SORCS1: variants seen among roughly 807,000 people sequenced by gnomAD.
SORCS1 encodes the protein VPS10 domain-containing receptor SorCS1.
Under a neutral mutation model 146.1 loss-of-function variants are expected in SORCS1, and 60 were observed. The ratio of observed to expected loss-of-function variants is 0.41; its 90% CI spans 0.33 to 0.51. The LOEUF is 0.51. Ranked by LOEUF, SORCS1 falls within the 20% of genes least tolerant of loss-of-function variation. SORCS1 has a pLI of 0.21. For missense variants in SORCS1, 1,352 were observed against 1,487.6 expected, an observed-to-expected ratio of 0.91 and a Z score of 1.50; for synonymous variants, 637 against 584.0, an observed-to-expected ratio of 1.09 and a Z score of -1.31.
intron 1 of SORCS1, among the ~76,000 whole-genome samples, chr10:107,154,801 T>A (rs112063433): frequency 1.3e-5 from 2 of 152,260 alleles, no homozygotes; most frequent in African/African-American, 4.8e-5. Flanking sequence ...ATTGATGATT[T>A]AGTATATGCC....
chr10:106,797,920 A>G (rs1946655511), intron 3 of SORCS1, among the ~76,000 whole-genome samples: 1 of 152,202 alleles, frequency 6.6e-6, no homozygotes. Flanking sequence ...GCTAAGATAT[A>G]AAGCAATCTG....
chr10:106,604,628 G>C (rs532605299), intron 23 of SORCS1, among the ~76,000 whole-genome samples: 209 of 152,308 alleles, frequency 1.4e-3, no homozygotes, highest in Non-Finnish European at 2.4e-3. Context: ...TAACTCGCAT[G>C]AGCTCATGCC....
intron 3 of SORCS1, among the ~76,000 whole-genome samples, chr10:106,828,483 C>T (rs1243671307): frequency 6.6e-6 from 1 of 152,182 alleles, no homozygotes; most frequent in Non-Finnish European, 1.5e-5. Context: ...ATATTTTCAT[C>T]ACCTTCCATA....
rs760812204 is a variant in SORCS1, at chr10:106,891,504, C to CTTTTTTTTT, written c.627-61840_627-61832dup. ...GTAATCAGAAGTTTCAATGGGAATT[C>CTTTTTTTTT]TTTTTTTTTTTTTGAGAAAAGACCT... is the stretch of plus-strand genomic sequence containing the variant. On this transcript the variant is annotated intron_variant, in intron 2 of 25. Transcript: ENST00000263054. Among the ~76,000 whole-genome samples, 46 of 97,268 alleles carry CTTTTTTTTT rather than the reference C, an allele frequency of 4.7e-4. 6 individuals are homozygous for CTTTTTTTTT. Among genetic ancestry groups the CTTTTTTTTT allele is most frequent in the Non-Finnish European group, 8.3e-4 (36 of 43,542 alleles). 63.8% of individuals were successfully genotyped at this position (97,268 alleles called of 152,430 possible).
At chr10:106,599,420 G>A (rs930318120) in intron 23 of SORCS1, among the ~76,000 whole-genome samples, 7 of 151,392 alleles carry the variant, frequency 4.6e-5, no homozygotes, top group Non-Finnish European at 8.8e-5. Context: ...GGAAGGAGAA[G>A]GAGAAGTGGA....
intron 1 of SORCS1, among the ~76,000 whole-genome samples, chr10:107,028,837 T>C (rs1454102317): frequency 1.3e-5 from 2 of 152,200 alleles, no homozygotes; most frequent in Non-Finnish European, 2.9e-5. Context: ...TATGCTTACT[T>C]CTAAATCAAG....
Position 106,621,602 on chromosome 10 carries a change from G to T in SORCS1, c.2663-1041C>A, listed in dbSNP as rs534028652. Among the ~76,000 whole-genome samples, 6 of 151,796 alleles carry T rather than the reference G, an allele frequency of 4.0e-5. No individual in the cohort carries two copies. In the South Asian group the frequency reaches 1.0e-3, roughly 26 times the overall value. On this transcript the variant is annotated intron_variant, in intron 19 of 25. Coordinates refer to ENST00000263054, the MANE Select transcript of SORCS1 (RefSeq NM_052918.5). The stretch of plus-strand genomic sequence containing the variant: ...CTTTCTGGGCTCTAGACTCCTTCTG[G>T]GGGGGTCTAGACTTCTTTGCCTCCA...
intron 6 of SORCS1, among the ~76,000 whole-genome samples, chr10:106,721,783 C>G (rs537659459): frequency 6.6e-6 from 1 of 152,132 alleles, no homozygotes; most frequent in Non-Finnish European, 1.5e-5. Context: ...AGCTTGAATG[C>G]GGACTAACCA....
At chr10:107,176,532 C>T in the SORCS1 span, among the ~76,000 whole-genome samples, 1 of 151,776 alleles carries the variant, frequency 6.6e-6, no homozygotes, top group African/African-American at 2.4e-5. Context: ...AGACGGGGCC[C>T]CAGTATGTTG....
chr10:106,946,011 T>G (rs973093969), intron 2 of SORCS1, among the ~76,000 whole-genome samples: 1 of 152,186 alleles, frequency 6.6e-6, no homozygotes, highest in Non-Finnish European at 1.5e-5. Context: ...CTGCCTTGAA[T>G]CTCTGGGCTT....
chr10:107,064,300 A>T (rs1961530877), intron 1 of SORCS1, among the ~76,000 whole-genome samples: 1 of 152,158 alleles, frequency 6.6e-6, no homozygotes, highest in Non-Finnish European at 1.5e-5. Flanking sequence ...TCCCGCCCTC[A>T]TCTCCTCTGA....
At chr10:106,875,225 A>G (rs1428765764) in intron 2 of SORCS1, among the ~76,000 whole-genome samples, 2 of 152,190 alleles carry the variant, frequency 1.3e-5, no homozygotes, top group African/African-American at 4.8e-5. Flanking sequence ...TTGATTTTCC[A>G]TTCCTGAGTT....
In SORCS1 at chr10:106,660,034, G is replaced by A. The variant is rs1324379121; in HGVS notation, c.2304-7481C>T. On this transcript the variant is annotated intron_variant, in intron 17 of 25. Transcript: ENST00000263054. ...TAATGCAAGTGATTGCCTTTTTGTG[G>A]ACTTTAAACACATGCACCATTTTTA... Among the ~76,000 whole-genome samples the A allele has an allele frequency of 2.6e-5, 4 of 152,128 alleles. No individual in the cohort carries two copies. In the East Asian group the frequency reaches 7.7e-4, roughly 29 times the overall value.
At chr10:106,977,423 GAT>G (rs1956074182) in intron 1 of SORCS1, among the ~76,000 whole-genome samples, 1 of 152,016 alleles carries the variant, frequency 6.6e-6, no homozygotes, top group African/African-American at 2.4e-5. Context: ...GTAGATTCTG[GAT>G]ATTAGAATTT....
At chr10:107,167,698 A>T (rs916375624), upstream of SORCS1, among the ~76,000 whole-genome samples, 31 of 152,190 alleles carry the variant, frequency 2.0e-4, no homozygotes, top group Non-Finnish European at 7.3e-5. Flanking sequence ...AGTTTTAATC[A>T]GAAAGATTAA....
chr10:106,921,766 G>T (rs1332686262), intron 2 of SORCS1, among the ~76,000 whole-genome samples: 1 of 152,172 alleles, frequency 6.6e-6, no homozygotes, highest in Non-Finnish European at 1.5e-5. Context: ...TAAGGGTCCA[G>T]TGCCCCAAAA....
chr10:106,899,160 T>C (rs1252476463), intron 2 of SORCS1, among the ~76,000 whole-genome samples: 3 of 152,222 alleles, frequency 2.0e-5, no homozygotes, highest in Non-Finnish European at 4.4e-5. Context: ...GTAATAGTTA[T>C]AAGCCAACCC....
intron 17 of SORCS1, 126 bp downstream of exon 17, chr10:106,667,563 A>T: frequency 1.6e-6 from 1 of 622,286 alleles, no homozygotes; most frequent in Non-Finnish European, 2.9e-6. Flanking sequence ...TAAAATGAAC[A>T]AAAGCAATTA....
chr10:106,896,893 T>G (rs967854862), intron 2 of SORCS1, among the ~76,000 whole-genome samples: 4 of 147,470 alleles, frequency 2.7e-5, no homozygotes, highest in Non-Finnish European at 6.0e-5. Flanking sequence ...AATACTGTTT[T>G]TTTTTTTTTT....
Sources: gnomAD v4.1 joint callset for allele counts (sites outside exome capture counted in the v4.1 genomes callset) on GRCh38, gnomAD v4.1.1 for gene constraint, MANE v1.5 for transcripts, NCBI Gene and HGNC (gene_info 2026-07-23, HGNC 2026-07-21) for gene names.